PGAP6: variants seen among roughly 807,000 people sequenced by gnomAD.
PGAP6 encodes post-GPI attachment to proteins factor 6.
A neutral mutation model predicts 68.4 loss-of-function variants in PGAP6; 62 were observed. The observed-to-expected ratio is 0.91, with a 90% CI of 0.74 to 1.12. The LOEUF is 1.12. Ranked by LOEUF, PGAP6 falls within the 50% of genes most tolerant of loss-of-function variation. The pLI, the probability that PGAP6 is intolerant of heterozygous loss-of-function variation, is 0.00. For missense variants in PGAP6, 1,188 were observed against 1,068.5 expected (o/e 1.11, Z -1.56); for synonymous variants, 575 against 474.0 (o/e 1.21, Z -2.77).
upstream of PGAP6, chr16:382,098 A>T: frequency 4.5e-6 from 1 of 222,322 alleles, no homozygotes. Flanking sequence ...GGTAGGGGGG[A>T]GGGGTCACGT....
rs563881534 is a variant in PGAP6, at chr16:381,400, C to CGCGCCGAGT, written c.121+300_121+301insACTCGGCGC. Among the ~76,000 whole-genome samples the CGCGCCGAGT allele has an allele frequency of 1.1e-3, 172 of 152,250 alleles. 2 individuals carry two copies. Among genetic ancestry groups the CGCGCCGAGT allele is most frequent in the South Asian group, 1.0e-2 (48 of 4,822 alleles). On this transcript the variant is annotated intron_variant, in intron 1 of 12. Transcript: ENST00000431232. ...AGTCCCCTGGGCCCCTCCACTTCCC[C>CGCGCCGAGT]GCGCCGGGCGCGCCGGACCTGGGCG...
upstream of PGAP6, among the ~76,000 whole-genome samples, chr16:385,674 G>A (rs1422650384): frequency 7.7e-6 from 1 of 129,588 alleles, no homozygotes; most frequent in African/African-American, 3.1e-5. Context: ...GCCCAGGCTG[G>A]AGTGCAGTGG....
chr16:371,654 C>A lies in PGAP6; in HGVS notation c.*333G>T. 1 of 319,460 alleles carries A rather than the reference C, an allele frequency of 3.1e-6. No individual in the cohort carries two copies. Among genetic ancestry groups the A allele is most frequent in the Non-Finnish European group, 5.9e-6 (1 of 168,102 alleles). 19.8% of individuals were successfully genotyped at this position (319,460 alleles called of 1,614,324 possible). On this transcript the variant is annotated 3_prime_UTR_variant, in exon 13 of 13. Coordinates refer to ENST00000431232, the MANE Select transcript of PGAP6 (RefSeq NM_021259.3). ...AACAGGACCATAGGGAGTCCTTCTC[C>A]CCATCTCTAGCCACCCACAGGCCAG...
At position 376,340 on chromosome 16, in the gene PGAP6, C is replaced by T. The variant is rs762691688; in HGVS notation, c.1020G>A (p.Arg340=). 6.2e-7 allele frequency: 1 copy of T among 1,612,716 alleles called. No individual in the cohort carries two copies. The highest frequency in any genetic ancestry group is 8.5e-7 in the Non-Finnish European group (1 of 1,179,966). ...SPSPDHQDLG[R]SGRVDRSPFC... is the part of the protein sequence containing the mutation. ...AGGGGCTGCGGTCCACCCTGCCACT[C>T]CTGCCCAGGTCCTGGTGGTCGGGGC... Residue 340 remains arginine (R), a synonymous_variant, in exon 6 of 13, where the codon AGG becomes AGA. Transcript: ENST00000431232.
chr16:386,818 C>T (rs773231961), upstream of PGAP6: 8 of 678,200 alleles, frequency 1.2e-5, no homozygotes, highest in African/African-American at 1.8e-5. Flanking sequence ...GAAGCCAAAG[C>T]GAAGGCTTTA....
chr16:386,725 C>CAAAAAAAAAAAAA, upstream of PGAP6: 1 of 283,152 alleles, frequency 3.5e-6, no homozygotes, highest in Non-Finnish European at 6.3e-6. Context: ...AAAAAAAAAA[C>CAAAAAAAAAAAAA]CAAAAAAAAA....
intron 1 of PGAP6, among the ~76,000 whole-genome samples, chr16:378,949 G>A (rs1332002017): frequency 6.6e-6 from 1 of 152,212 alleles, no homozygotes; most frequent in Non-Finnish European, 1.5e-5. Flanking sequence ...CCCCAGGCGA[G>A]GACTCAGGCT....
At position 371,793 on chromosome 16, in the gene PGAP6, G is replaced by A. The variant is rs141601991; in HGVS notation, c.*194C>T. On this transcript the variant is annotated 3_prime_UTR_variant, in exon 13 of 13. Coordinates refer to ENST00000431232, the MANE Select transcript of PGAP6 (RefSeq NM_021259.3). ...GGATCTGCAGAGGGATCTCAGCAGC[G>A]AGCAGGCAGCTGGCGAGGAGAGGTG... 2.0e-5 allele frequency: 12 copies of A among 596,612 alleles called. No homozygotes were observed. The highest frequency in any genetic ancestry group is 4.0e-5 in the South Asian group (2 of 50,246). 37.0% of individuals were successfully genotyped at this position (596,612 alleles called of 1,614,324 possible). A position where few individuals can be genotyped will look rare whatever the true frequency, so the allele number is the denominator to read the frequency against.
chr16:386,790 C>A (rs750960261), upstream of PGAP6: 1 of 598,344 alleles, frequency 1.7e-6, no homozygotes, highest in Non-Finnish European at 3.2e-6. Context: ...GAAGGAAGCT[C>A]CTGCCTCTCC....
At chr16:383,827 C>T (rs1217221289), upstream of PGAP6, among the ~76,000 whole-genome samples, 2 of 142,504 alleles carry the variant, frequency 1.4e-5, no homozygotes, top group Non-Finnish European at 3.2e-5. Context: ...CTTTTGAACG[C>T]CGCAGCGGGT....
Position 371,758 on chromosome 16 carries a change from A to T in PGAP6, c.*229T>A. ...GCCCAGGCCCCAGGGGCCACTGCAG[A>T]CAGCAGCTGGGATCTGCAGAGGGAT... On this transcript the variant is annotated 3_prime_UTR_variant, in exon 13 of 13. Coordinates refer to ENST00000431232, the MANE Select transcript of PGAP6 (RefSeq NM_021259.3). 1 of 537,416 alleles carries T rather than the reference A, an allele frequency of 1.9e-6. No individual in the cohort carries two copies. Among genetic ancestry groups the T allele is most frequent in the Non-Finnish European group, 3.3e-6 (1 of 299,570 alleles). The allele number at this position is 537,416 out of a possible 1,614,324, so 33.3% of individuals were successfully genotyped here. A position where few individuals can be genotyped will look rare whatever the true frequency, so the allele number is the denominator to read the frequency against.
chr16:381,459 C>T (rs1452912248), intron 1 of PGAP6, among the ~76,000 whole-genome samples: 2 of 152,134 alleles, frequency 1.3e-5, no homozygotes, highest in Non-Finnish European at 2.9e-5. Flanking sequence ...GGGGGCGCTC[C>T]AGGGGCCGAT....
At position 376,829 on chromosome 16, in the gene PGAP6, C is replaced by T. The variant is rs779704384; in HGVS notation, c.636-17G>A. On this transcript the variant is annotated splice_polypyrimidine_tract_variant and intron_variant, in intron 4 of 12. Coordinates refer to ENST00000431232, the MANE Select transcript of PGAP6 (RefSeq NM_021259.3). ...ACAAAGACCCTGCAGCGAGGGGACA[C>T]AGCTGGCTCAGGCTCTGCCATTCCT... The T allele has an allele frequency of 3.7e-6, 6 of 1,600,740 alleles. No individual in the cohort carries two copies. The African/African-American group carries it at 8.0e-5, about 21-fold the overall frequency.
At chr16:379,357 A>G (rs1248370426) in intron 1 of PGAP6, among the ~76,000 whole-genome samples, 1 of 152,238 alleles carries the variant, frequency 6.6e-6, no homozygotes, top group Non-Finnish European at 1.5e-5. Flanking sequence ...CGGCAAATCC[A>G]GGCCAAGCTC....
chr16:378,441 C>G (rs879179232), intron 1 of PGAP6, among the ~76,000 whole-genome samples: 51 of 111,232 alleles, frequency 4.6e-4, no homozygotes, highest in African/African-American at 1.6e-3. Context: ...TCCCCACCCG[C>G]ACTGCCATCG....
At chr16:386,676 C>G (rs752074890), upstream of PGAP6, 18 of 384,698 alleles carry the variant, frequency 4.7e-5, no homozygotes, top group Non-Finnish European at 8.4e-5. Flanking sequence ...GGGTCATTTT[C>G]CCAGCCTGGG....
In PGAP6 at chr16:377,363, G is replaced by T; in HGVS notation, c.507+15C>A. 1 of 1,575,978 alleles carries T rather than the reference G, an allele frequency of 6.3e-7. No individual in the cohort carries two copies. Among genetic ancestry groups the T allele is most frequent in the South Asian group, 1.1e-5 (1 of 87,890 alleles). On this transcript the variant is annotated intron_variant, in intron 3 of 12. Transcript: ENST00000431232. ...AAGGTTCTCTGCCTCCATCCCGGAG[G>T]GCAGCCCCCCTCACCTTCAACTCGA...
upstream of PGAP6, chr16:386,841 G>T: frequency 1.4e-6 from 1 of 691,496 alleles, no homozygotes; most frequent in Non-Finnish European, 2.6e-6. Flanking sequence ...GGCCAAGAAG[G>T]CAGCGTTGAA....
At position 381,148 on chromosome 16, in the gene PGAP6, C is replaced by T. The variant is rs562655114; in HGVS notation, c.121+553G>A. Among the ~76,000 whole-genome samples, 1,407 of 152,358 alleles carry T rather than the reference C, an allele frequency of 9.2e-3. 12 individuals carry two copies. The highest frequency in any genetic ancestry group is 0.018 in the South Asian group (87 of 4,830). On this transcript the variant is annotated intron_variant, in intron 1 of 12. Coordinates refer to ENST00000431232, the MANE Select transcript of PGAP6 (RefSeq NM_021259.3). ...AGAGGGGAGAGGGGCGCCCTTTCCT[C>T]AGCCCCTCTTCCGCCAGCTGGGAGT...
Sources: allele counts gnomAD v4.1 joint callset (sites outside exome capture counted in the v4.1 genomes callset), GRCh38; gene constraint gnomAD v4.1.1; transcripts MANE v1.5; gene names NCBI Gene and HGNC (gene_info 2026-07-23, HGNC 2026-07-21).